Variants in ASTL observed in about 807,000 individuals in gnomAD.
The protein encoded by ASTL is astacin like metalloendopeptidase.
Under a neutral mutation model 36.7 loss-of-function variants are expected in ASTL, and 27 were observed. The observed-to-expected ratio is 0.73, with a 90% CI of 0.54 to 1.01. The LOEUF is 1.01. Ranked by LOEUF, ASTL falls within the 50% of genes least tolerant of loss-of-function variation. ASTL has a pLI of 0.00. For synonymous variants in ASTL, 222 were observed against 228.1 expected (o/e 0.97, Z 0.24); for missense variants, 524 against 572.8 (o/e 0.91, Z 0.87).
rs1407263141 is a variant in ASTL at position 96,132,370 on chromosome 2, A to T, written c.637+170T>A. Reference sequence around the variant, plus strand: ...GGCCCAGAGCAGCACCCAGAGTACCACCTCCAGGTACCAGGTACCAGACAG... The same window carrying T: ...GGCCCAGAGCAGCACCCAGAGTACCTCCTCCAGGTACCAGGTACCAGACAG... On this transcript the variant is annotated intron_variant, in intron 6 of 8. Transcript: ENST00000342380. This position sits in a 1 kb window ranked among gnomAD's most constrained non-coding sequence, Gnocchi z 5.4. Among the ~76,000 whole-genome samples the T allele has an allele frequency of 2.0e-5, 3 of 151,996 alleles. No homozygotes were observed. The highest frequency in any genetic ancestry group is 2.0e-4 in the Admixed American group (3 of 15,268).
In ASTL at chr2:96,123,008, G is replaced by C. The variant is rs754144811; in HGVS notation, c.*842C>G. Among the ~76,000 whole-genome samples the C allele has an allele frequency of 6.6e-6, 1 of 152,244 alleles. No homozygotes were observed. Among genetic ancestry groups the C allele is most frequent in the Non-Finnish European group, 1.5e-5 (1 of 68,046 alleles). On this transcript the variant is annotated 3_prime_UTR_variant, in exon 9 of 9. Transcript: ENST00000342380. ...CTTCATGCCTGGGACAAACCTCATG[G>C]GGAAAGCCGGAGCTGGGGCAGAGGA...
intron 4 of ASTL, 196 bp from the exon 5 acceptor site, chr2:96,133,738 G>A (rs1035724306): frequency 2.9e-4 from 184 of 634,930 alleles, no homozygotes; most frequent in Non-Finnish European, 4.5e-4. Context: ...CCTCTGCACC[G>A]CATGGTCTCA....
intron 1 of ASTL, 156 bp from the exon 2 acceptor site, chr2:96,137,856 C>G: frequency 1.4e-6 from 1 of 700,730 alleles, no homozygotes; most frequent in Non-Finnish European, 2.3e-6. Context: ...TTCCCAGCCT[C>G]CCTGCTCAAC....
Position 96,132,855 on chromosome 2 carries a change from C to A in ASTL, c.456-134G>T. On this transcript the variant is annotated intron_variant, in intron 5 of 8. Transcript: ENST00000342380. This position sits in a 1 kb window ranked among gnomAD's most constrained non-coding sequence, Gnocchi z 5.4. Reference sequence around the variant, plus strand: ...GGCAGGCCCCACTCTGGGCTCTAGTCTCAGGTTCACCATTCTCCAGGCCCC... The same window carrying A: ...GGCAGGCCCCACTCTGGGCTCTAGTATCAGGTTCACCATTCTCCAGGCCCC... 1.3e-6 allele frequency: 1 copy of A among 776,186 alleles called. No homozygotes were observed. The highest frequency in any genetic ancestry group is 2.0e-6 in the Non-Finnish European group (1 of 508,094). The allele number at this position is 776,186 out of a possible 1,614,324, so 48.1% of individuals were successfully genotyped here.
chr2:96,135,479 C>CAA, intron 2 of ASTL, 67 bp from the exon 3 acceptor site: 2 of 1,372,786 alleles, frequency 1.5e-6, no homozygotes, highest in Non-Finnish European at 1.0e-6. Flanking sequence ...ACAGGCCAAG[C>CAA]AAATCCCTAC....
Position 96,137,597 on chromosome 2 carries a change from C to A in ASTL, c.159G>T (p.Lys53Asn). Reference sequence around the variant, plus strand: ...CACCTTGGTTAATTGCAGGAATGTCCTTGTCCCCGGAGGCCTGGGTTCCCT... The same window carrying A: ...CACCTTGGTTAATTGCAGGAATGTCATTGTCCCCGGAGGCCTGGGTTCCCT... Reference protein sequence around the residue: ...TPEGTQASGDKDIPAINQGLI... With the variant: ...TPEGTQASGDNDIPAINQGLI... The change falls in exon 2 of 9, where the codon AAG (lysine) becomes AAT (asparagine). Residue 53 changes from lysine (K) to asparagine (N), a missense_variant. Lys to Asn is a moderately conservative substitution (Grantham distance 94). Coordinates refer to ENST00000342380, the MANE Select transcript of ASTL (RefSeq NM_001002036.4). 1 of 1,613,930 alleles carries A rather than the reference C, an allele frequency of 6.2e-7. No individual in the cohort carries two copies. Among genetic ancestry groups the A allele is most frequent in the South Asian group, 1.1e-5 (1 of 91,084 alleles).
Position 96,124,404 on chromosome 2 carries a change from C to A in ASTL, c.875-133G>T, listed in dbSNP as rs1682024377. On this transcript the variant is annotated intron_variant, in intron 8 of 8. Coordinates refer to ENST00000342380, the MANE Select transcript of ASTL (RefSeq NM_001002036.4). This position sits in a 1 kb window ranked among gnomAD's most constrained non-coding sequence, Gnocchi z 4.1. Reference sequence around the variant, plus strand: ...GCCACGGCCTAGTGCATCCAAGACCCAGATTCCCACCCTACCAGAGACCAG... The same window carrying A: ...GCCACGGCCTAGTGCATCCAAGACCAAGATTCCCACCCTACCAGAGACCAG... 1 of 688,514 alleles carries A rather than the reference C, an allele frequency of 1.5e-6. No homozygotes were observed. The highest frequency in any genetic ancestry group is 1.8e-5 in the African/African-American group (1 of 54,430). 42.7% of individuals were successfully genotyped at this position (688,514 alleles called of 1,614,324 possible). A position where few individuals can be genotyped will look rare whatever the true frequency, so the allele number is the denominator to read the frequency against.
intron 4 of ASTL, 186 bp from the exon 5 acceptor site, chr2:96,133,728 CCT>C: frequency 1.6e-6 from 1 of 635,798 alleles, no homozygotes; most frequent in Non-Finnish European, 2.8e-6. Context: ...AGGTCACTGT[CCT>C]CTGCACCGCA....
chr2:96,133,178 C>T (rs1319504407), intron 5 of ASTL, among the ~76,000 whole-genome samples: 2 of 152,234 alleles, frequency 1.3e-5, no homozygotes, highest in African/African-American at 4.8e-5. Flanking sequence ...AAAACCTCCT[C>T]TCCTCACCAC....
intron 8 of ASTL, 47 bp downstream of exon 8, chr2:96,129,777 C>G: frequency 6.7e-7 from 1 of 1,502,268 alleles, no homozygotes; most frequent in Middle Eastern, 2.5e-4. Flanking sequence ...CATTAGAGCA[C>G]AGGCGCCTTC....
rs760331210 is a variant in ASTL, at chr2:96,129,908, G to A, written c.790C>T (p.Arg264Ter). Reference sequence around the variant, plus strand: ...ATGTCCGAGGCACTCAGGTTCCATCGCTGGCCGATGTGGACACTGGGGGCC... The same window carrying A: ...ATGTCCGAGGCACTCAGGTTCCATCACTGGCCGATGTGGACACTGGGGGCC... ...LWAPSVHIGQ[R>*]WNLSASDITR... The change falls in exon 8 of 9, where the codon CGA becomes TGA. Residue 264 changes from arginine to a stop codon, truncating the protein, a stop_gained. Coordinates refer to ENST00000342380, the MANE Select transcript of ASTL (RefSeq NM_001002036.4). LOFTEE classifies it high-confidence loss of function. The A allele has an allele frequency of 1.7e-5, 27 of 1,605,868 alleles. No individual in the cohort carries two copies. The highest frequency in any genetic ancestry group is 5.0e-5 in the Admixed American group (3 of 59,746).
In ASTL at chr2:96,137,612, C is replaced by T. The variant is rs1366549048; in HGVS notation, c.144G>A (p.Gln48=). ...CAGGAATGTCCTTGTCCCCGGAGGC[C>T]TGGGTTCCCTCAGGGGTGAGGCCAT... The part of the protein sequence containing the change: ...FPDGLTPEGT[Q]ASGDKDIPAI... The change falls in exon 2 of 9, where the codon CAG becomes CAA. Residue 48 remains glutamine (Q), a synonymous_variant. Transcript: ENST00000342380. 6 of 1,614,020 alleles carry T rather than the reference C, an allele frequency of 3.7e-6. No individual in the cohort carries two copies. Among genetic ancestry groups the T allele is most frequent in the Non-Finnish European group, 5.1e-6 (6 of 1,179,908 alleles).
At chr2:96,135,482 A>G in intron 2 of ASTL, 70 bp from the exon 3 acceptor site, 6 of 1,342,970 alleles carry the variant, frequency 4.5e-6, no homozygotes, top group Non-Finnish European at 6.3e-6. Flanking sequence ...GGCCAAGCAA[A>G]TCCCTACTTA....
chr2:96,127,647 C>T (rs1324936061), intron 8 of ASTL, among the ~76,000 whole-genome samples: 1 of 151,998 alleles, frequency 6.6e-6, no homozygotes, highest in Non-Finnish European at 1.5e-5. Flanking sequence ...GATCTTGGCT[C>T]ACTGCAACCT....
intron 5 of ASTL, among the ~76,000 whole-genome samples, chr2:96,133,153 C>T (rs1232017036): frequency 1.3e-5 from 2 of 152,220 alleles, no homozygotes; most frequent in Non-Finnish European, 2.9e-5. Context: ...GTGACTCACG[C>T]ACTGTCTGCC....
chr2:96,125,662 G>T (rs1682050210), intron 8 of ASTL, among the ~76,000 whole-genome samples: 1 of 152,140 alleles, frequency 6.6e-6, no homozygotes, highest in African/African-American at 2.4e-5. Flanking sequence ...TGCATACAAG[G>T]CCAAGCATGC....
intron 8 of ASTL, among the ~76,000 whole-genome samples, chr2:96,127,364 AT>A (rs1682085211): frequency 6.6e-6 from 1 of 152,214 alleles, no homozygotes; most frequent in Non-Finnish European, 1.5e-5. Flanking sequence ...GCAGCCACTC[AT>A]ATTCCTATCA....
chr2:96,130,454 A>C (rs1438457031), intron 6 of ASTL, among the ~76,000 whole-genome samples: 4 of 152,174 alleles, frequency 2.6e-5, no homozygotes, highest in Non-Finnish European at 4.4e-5. Context: ...TGCATAAGCC[A>C]CAGCTGCCAC....
chr2:96,134,239 G>A (rs759987083), intron 3 of ASTL, among the ~76,000 whole-genome samples, 181 bp from the exon 4 acceptor site: 11 of 152,210 alleles, frequency 7.2e-5, no homozygotes, highest in Non-Finnish European at 1.6e-4. Context: ...CCAGCTACAT[G>A]AACCTTGATG....
Sources: allele counts gnomAD v4.1 joint callset (sites outside exome capture counted in the v4.1 genomes callset), GRCh38; gene constraint gnomAD v4.1.1; non-coding constraint Gnocchi (gnomAD v3.1); transcripts MANE v1.5; gene names NCBI Gene and HGNC (gene_info 2026-07-23, HGNC 2026-07-21).